The following FIGNL2 variants were observed in gnomAD, a reference collection of about 807,000 sequenced individuals.
FIGNL2 encodes fidgetin-like protein 2.
For synonymous variants in FIGNL2, 565 were observed against 484.0 expected, an observed-to-expected ratio of 1.17 and a Z score of -2.20; for missense variants, 1,060 against 950.2, an observed-to-expected ratio of 1.12 and a Z score of -1.52.
chr12:51,824,860 A>G (rs1179185277), intron 1 of FIGNL2, among the ~76,000 whole-genome samples: 2 of 152,210 alleles, frequency 1.3e-5, no homozygotes, highest in Non-Finnish European at 2.9e-5. Context: ...CTTGGCCAAC[A>G]TGGTGAAACA....
chr12:51,845,768 C>G, intron 1 of FIGNL2: 1 of 569,246 alleles, frequency 1.8e-6, no homozygotes, highest in Non-Finnish European at 2.1e-6. Flanking sequence ...TGGCAGCAGT[C>G]GGAGCTTGGG....
rs1435349390 is a variant in FIGNL2, at chr12:51,821,113, C to T, written c.1301G>A (p.Arg434Gln). The stretch of plus-strand genomic sequence containing the variant: ...GCCCAGCAGCGCTTTGCCCGCGCCC[C>T]GCGGCCCAAAGAGCAGGACGGTCCG... Reference protein sequence around the residue: ...PPRTVLLFGPRGAGKALLGRC... With the variant: ...PPRTVLLFGPQGAGKALLGRC... Residue 434 changes from arginine to glutamine, a missense_variant, in exon 2 of 2, where the codon CGG becomes CAG. Coordinates refer to ENST00000618634, the MANE Select transcript of FIGNL2 (RefSeq NM_001384995.1). 2 of 1,384,738 alleles carry T rather than the reference C, an allele frequency of 1.4e-6. No homozygotes were observed. Among genetic ancestry groups the T allele is most frequent in the South Asian group, 1.6e-5 (1 of 61,440 alleles). 85.8% of individuals were successfully genotyped at this position (1,384,738 alleles called of 1,614,324 possible).
In FIGNL2 at chr12:51,820,918, GC is replaced by G; in HGVS notation, c.1495del (p.Ala499ProfsTer191). On this transcript the variant is annotated frameshift_variant, in exon 2 of 2. Coordinates refer to ENST00000618634, the MANE Select transcript of FIGNL2 (RefSeq NM_001384995.1). LOFTEE classifies it low-confidence loss of function (END_TRUNC). ...LISELEALLP[A>X]RDDGAAAGGA... ...CCCTGCCGCCGCGCCGTCGTCCCGG[GC>G]GGGGAGCAGCGCCTCTAGCTCGCTG... The G allele has an allele frequency of 7.5e-7, 1 of 1,324,838 alleles. No homozygotes were observed. Among genetic ancestry groups the G allele is most frequent in the Non-Finnish European group, 9.6e-7 (1 of 1,045,590 alleles). 82.1% of individuals were successfully genotyped at this position (1,324,838 alleles called of 1,614,324 possible). A position where few individuals can be genotyped will look rare whatever the true frequency, so the allele number is the denominator to read the frequency against.
chr12:51,825,705 C>T (rs982501598), intron 1 of FIGNL2: 5 of 151,668 alleles, frequency 3.3e-5, no homozygotes, highest in Admixed American at 6.6e-5. Context: ...CAAGCTCCGC[C>T]TCCCGGGTTC....
At chr12:51,839,563 C>T (rs997755096) in intron 1 of FIGNL2, among the ~76,000 whole-genome samples, 30 of 152,306 alleles carry the variant, frequency 2.0e-4, no homozygotes, top group Admixed American at 1.7e-3. Context: ...AGCACAGAGA[C>T]GATGTTAACC....
At position 51,821,749 on chromosome 12, in the gene FIGNL2, GGCGGCGGGA is replaced by G. The variant is rs1158410203; in HGVS notation, c.656_664del (p.Leu219_Pro221del). ...GTAGGGGGCCGGGGGTGGGCCTGGG[GGCGGCGGGA>G]GCGCGCCATAGCCGGGCTGCGCTGC... On this transcript the variant is annotated inframe_deletion, in exon 2 of 2. Coordinates refer to ENST00000618634, the MANE Select transcript of FIGNL2 (RefSeq NM_001384995.1). The G allele has an allele frequency of 7.8e-7, 1 of 1,286,662 alleles. No homozygotes were observed. The highest frequency in any genetic ancestry group is 3.2e-5 in the East Asian group (1 of 30,952). The allele number at this position is 1,286,662 out of a possible 1,614,324, so 79.7% of individuals were successfully genotyped here.
At chr12:51,824,838 A>G (rs1391953605) in intron 1 of FIGNL2, among the ~76,000 whole-genome samples, 1 of 152,136 alleles carries the variant, frequency 6.6e-6, no homozygotes, top group African/African-American at 2.4e-5. Flanking sequence ...GAGGTCAGAA[A>G]TTCAAGACCA....
At chr12:51,838,850 A>G (rs1420686824) in intron 1 of FIGNL2, among the ~76,000 whole-genome samples, 1 of 152,072 alleles carries the variant, frequency 6.6e-6, no homozygotes, top group Non-Finnish European at 1.5e-5. Flanking sequence ...ATAATCCTGG[A>G]GCTGCCTGCG....
intron 1 of FIGNL2, among the ~76,000 whole-genome samples, chr12:51,830,848 G>C (rs1478355601): frequency 6.6e-6 from 1 of 151,932 alleles, no homozygotes; most frequent in Non-Finnish European, 1.5e-5. Context: ...GAGTGCAGTG[G>C]CGAGATCACC....
At chr12:51,838,656 G>A (rs1187462156) in intron 1 of FIGNL2, among the ~76,000 whole-genome samples, 1 of 152,200 alleles carries the variant, frequency 6.6e-6, no homozygotes, top group Non-Finnish European at 1.5e-5. Flanking sequence ...CTGGCCTGAG[G>A]GCAGTGAAGG....
chr12:51,834,838 T>C (rs1592192804), intron 1 of FIGNL2, among the ~76,000 whole-genome samples: 1 of 152,318 alleles, frequency 6.6e-6, no homozygotes, highest in Admixed American at 6.5e-5. Context: ...AGCCTTCTAG[T>C]GTTTGCAAAG....
chr12:51,833,847 A>G (rs992797068), intron 1 of FIGNL2, among the ~76,000 whole-genome samples: 3 of 152,228 alleles, frequency 2.0e-5, no homozygotes, highest in African/African-American at 4.8e-5. Flanking sequence ...TAGAAAGTTC[A>G]TGAGAGCAGG....
chr12:51,845,610 G>T (rs1939736501), intron 1 of FIGNL2: 1 of 985,302 alleles, frequency 1.0e-6, no homozygotes. Flanking sequence ...ATTAAATCGG[G>T]TAAAGGAGTC....
chr12:51,848,096 CAG>C (rs1939791227), intron 1 of FIGNL2: 10 of 978,992 alleles, frequency 1.0e-5, no homozygotes, highest in Admixed American at 6.2e-5. Context: ...CACACACACA[CAG>C]GGGCCGCTGG....
At chr12:51,836,496 C>G (rs1393840621) in intron 1 of FIGNL2, among the ~76,000 whole-genome samples, 1 of 152,158 alleles carries the variant, frequency 6.6e-6, no homozygotes. Context: ...CGAGGCCTGG[C>G]CAGTCTCTCA....
Position 51,820,647 on chromosome 12 carries a change from G to A in FIGNL2, c.1767C>T (p.Gly589=). The A allele has an allele frequency of 6.6e-7, 1 of 1,519,882 alleles. No individual in the cohort carries two copies. The highest frequency in any genetic ancestry group is 1.2e-5 in the South Asian group (1 of 83,238). 94.1% of individuals were successfully genotyped at this position (1,519,882 alleles called of 1,614,324 possible). Residue 589 remains glycine, a synonymous_variant, in exon 2 of 2, where the codon GGC becomes GGT. Transcript: ENST00000618634. ...SERELAALVQ[G]TQGFSGGELG... Reference sequence around the variant, plus strand: ...GCTCGCCCCCAGAGAAGCCCTGCGTGCCCTGCACCAGCGCCGCCAGTTCCC... The same window carrying A: ...GCTCGCCCCCAGAGAAGCCCTGCGTACCCTGCACCAGCGCCGCCAGTTCCC...
In FIGNL2 at chr12:51,821,950, G is replaced by A; in HGVS notation, c.464C>T (p.Ala155Val). Reference sequence around the variant, plus strand: ...GCCGTAGCCGGCCGCGTACTCGGGCGCCGCCGATGGGCCCCCGCACGCATT... The same window carrying A: ...GCCGTAGCCGGCCGCGTACTCGGGCACCGCCGATGGGCCCCCGCACGCATT... ...AGNACGGPSAAPEYAAGYGGG... is the reference protein window; with the variant it reads ...AGNACGGPSAVPEYAAGYGGG... The change falls in exon 2 of 2, where the codon GCG becomes GTG. Residue 155 changes from alanine to valine, a missense_variant. Transcript: ENST00000618634. 6.6e-7 allele frequency: 1 copy of A among 1,525,674 alleles called. No individual in the cohort carries two copies. The highest frequency in any genetic ancestry group is 8.8e-7 in the Non-Finnish European group (1 of 1,136,574). 94.5% of individuals were successfully genotyped at this position (1,525,674 alleles called of 1,614,324 possible). A position where few individuals can be genotyped will look rare whatever the true frequency, so the allele number is the denominator to read the frequency against.
chr12:51,830,959 T>G (rs1174770703), intron 1 of FIGNL2, among the ~76,000 whole-genome samples: 1 of 151,912 alleles, frequency 6.6e-6, no homozygotes, highest in Non-Finnish European at 1.5e-5. Flanking sequence ...TGGCTAATGT[T>G]TGTGTTTGTT....
rs1217427335 is a variant in FIGNL2 at position 51,818,654 on chromosome 12, G to C, written c.*1798C>G. The C allele has an allele frequency of 6.6e-6, 1 of 152,644 alleles. No individual in the cohort carries two copies. The highest frequency in any genetic ancestry group is 6.5e-5 in the Admixed American group (1 of 15,278). The allele number at this position is 152,644 out of a possible 1,614,324, so 9.5% of individuals were successfully genotyped here. A position where few individuals can be genotyped will look rare whatever the true frequency, so the allele number is the denominator to read the frequency against. ...CACCCTCCCAGCCAGGGGGGAGGCA[G>C]TAGACTCTAGGAAATGCACGGGCAG... is the stretch of plus-strand genomic sequence containing the variant. On this transcript the variant is annotated 3_prime_UTR_variant, in exon 2 of 2. Coordinates refer to ENST00000618634, the MANE Select transcript of FIGNL2 (RefSeq NM_001384995.1).
Sources: allele counts gnomAD v4.1 joint callset (sites outside exome capture counted in the v4.1 genomes callset), GRCh38; gene constraint gnomAD v4.1.1; transcripts MANE v1.5; gene names NCBI Gene and HGNC (gene_info 2026-07-23, HGNC 2026-07-21).